Variants in DLGAP4 observed in about 807,000 individuals in gnomAD.
DLGAP4 encodes DLG associated protein 4, also known as disks large-associated protein 4.
A neutral mutation model predicts 86.9 loss-of-function variants in DLGAP4; 18 were observed. The ratio of observed to expected loss-of-function variants is 0.21; its 90% CI spans 0.14 to 0.31. DLGAP4 has a LOEUF of 0.31. Ranked by LOEUF, DLGAP4 falls within the 10% of genes least tolerant of loss-of-function variation. The pLI is 1.00. For missense variants in DLGAP4, 1,085 were observed against 1,362.6 expected (o/e 0.80, Z 3.21); for synonymous variants, 548 against 574.3 (o/e 0.95, Z 0.65).
Position 36,527,123 on chromosome 20 carries a change from T to C in DLGAP4, c.*92T>C. ...AGAGTTTTCTCAACCTTTGCTATGG[T>C]TATTCTGTCTAGAGACCCTGAGCCA... On this transcript the variant is annotated 3_prime_UTR_variant, in exon 13 of 13. Transcript: ENST00000339266. 1.5e-6 allele frequency: 2 copies of C among 1,357,544 alleles called. No individual in the cohort carries two copies. Among genetic ancestry groups the C allele is most frequent in the Non-Finnish European group, 2.0e-6 (2 of 1,010,884 alleles). 84.1% of individuals were successfully genotyped at this position (1,357,544 alleles called of 1,614,324 possible).
At chr20:36,486,682 C>G (rs1160579791) in intron 7 of DLGAP4, among the ~76,000 whole-genome samples, 1 of 151,016 alleles carries the variant, frequency 6.6e-6, no homozygotes, top group Non-Finnish European at 1.5e-5. Context: ...GCAATCTCGG[C>G]TCACTGCAAC....
At chr20:36,517,535 G>A (rs2147841298) in intron 10 of DLGAP4, among the ~76,000 whole-genome samples, 1 of 152,182 alleles carries the variant, frequency 6.6e-6, no homozygotes, top group Non-Finnish European at 1.5e-5. Context: ...CCAAAGTGCT[G>A]GGATTACAGG....
intron 10 of DLGAP4, among the ~76,000 whole-genome samples, chr20:36,505,926 C>T (rs2036345302): frequency 6.6e-6 from 1 of 152,142 alleles, no homozygotes; most frequent in Admixed American, 6.5e-5. Flanking sequence ...CCTGCTGTCT[C>T]AGGGGTGGCA....
intron 1 of DLGAP4, among the ~76,000 whole-genome samples, chr20:36,322,291 T>C (rs1430976738): frequency 2.6e-5 from 4 of 151,886 alleles, no homozygotes; most frequent in African/African-American, 9.7e-5. Context: ...GCTGGAGTGT[T>C]GGGATGTGGA....
chr20:36,324,662 T>A (rs1378546293), intron 1 of DLGAP4, among the ~76,000 whole-genome samples: 4 of 152,196 alleles, frequency 2.6e-5, no homozygotes, highest in Admixed American at 2.6e-4. Flanking sequence ...GTTGTAGTTG[T>A]TTGTAGATCC....
chr20:36,340,280 G>A (rs782374987), intron 1 of DLGAP4, among the ~76,000 whole-genome samples: 6 of 152,228 alleles, frequency 3.9e-5, no homozygotes, highest in African/African-American at 1.2e-4. Context: ...TGGCTGTTCC[G>A]GAAGTGGAGA....
At position 36,442,714 on chromosome 20, in the gene DLGAP4, C is replaced by G. The variant is rs1054234151; in HGVS notation, c.1357-13C>G. 6.2e-7 allele frequency: 1 copy of G among 1,614,210 alleles called. No individual in the cohort carries two copies. Reference sequence around the variant, plus strand: ...CTGGTCCTTCCATAACCCTCACCCTCTCTTTCCTGCAGATTTTTGGACAGG... The same window carrying G: ...CTGGTCCTTCCATAACCCTCACCCTGTCTTTCCTGCAGATTTTTGGACAGG... On this transcript the variant is annotated splice_polypyrimidine_tract_variant and intron_variant, in intron 5 of 12. Coordinates refer to ENST00000339266, the MANE Select transcript of DLGAP4 (RefSeq NM_001365621.2).
chr20:36,431,661 G>A lies in DLGAP4; in HGVS notation c.-57G>A. On this transcript the variant is annotated 5_prime_UTR_variant, in exon 3 of 13. Transcript: ENST00000339266. This position sits in a 1 kb window ranked among gnomAD's most constrained non-coding sequence, Gnocchi z 5.1. The stretch of plus-strand genomic sequence containing the variant: ...CTCTCCCTAGGATAGCTGCCGCCCG[G>A]GAGAGGTGACCCGGGCGCCCTGCTA... 6.6e-7 allele frequency: 1 copy of A among 1,512,644 alleles called. No homozygotes were observed. The highest frequency in any genetic ancestry group is 8.8e-7 in the Non-Finnish European group (1 of 1,130,542). The allele number at this position is 1,512,644 out of a possible 1,614,324, so 93.7% of individuals were successfully genotyped here.
intron 11 of DLGAP4, among the ~76,000 whole-genome samples, chr20:36,524,898 G>A (rs188493941): frequency 5.3e-5 from 8 of 151,326 alleles, no homozygotes; most frequent in Admixed American, 3.3e-4. Context: ...CAATGACAGC[G>A]AAACTCTGTC....
intron 2 of DLGAP4, among the ~76,000 whole-genome samples, chr20:36,411,534 C>T (rs527385630): frequency 1.4e-3 from 209 of 152,276 alleles, no homozygotes; most frequent in Admixed American, 3.3e-3. Context: ...TTTGCTAATA[C>T]AAATATTATG....
At chr20:36,461,369 C>G in intron 7 of DLGAP4, 1 of 827,296 alleles carries the variant, frequency 1.2e-6, no homozygotes, top group Non-Finnish European at 1.5e-6. Context: ...CGCCCCTGCC[C>G]GGCCCGGGAG....
intron 10 of DLGAP4, among the ~76,000 whole-genome samples, chr20:36,517,509 C>T (rs369925186): frequency 7.2e-5 from 11 of 152,060 alleles, no homozygotes; most frequent in African/African-American, 2.2e-4. Context: ...TCAGGTGATC[C>T]GCCCACCTCA....
intron 7 of DLGAP4, among the ~76,000 whole-genome samples, chr20:36,479,847 A>G (rs1462597493): frequency 6.6e-6 from 1 of 152,086 alleles, no homozygotes; most frequent in South Asian, 2.1e-4. Context: ...CTTGGACAGG[A>G]TGAGACCCCT....
chr20:36,449,515 G>C (rs1221399210), intron 7 of DLGAP4, among the ~76,000 whole-genome samples: 1 of 152,126 alleles, frequency 6.6e-6, no homozygotes, highest in East Asian at 1.9e-4. Flanking sequence ...CTCCAAACAA[G>C]AGCTGAGGCC....
intron 7 of DLGAP4, among the ~76,000 whole-genome samples, chr20:36,475,404 T>G (rs1243840704): frequency 6.6e-6 from 1 of 151,972 alleles, no homozygotes; most frequent in Non-Finnish European, 1.5e-5. Context: ...AGAGATGGGA[T>G]TTTGCCATGT....
At chr20:36,327,529 C>T (rs978174358) in intron 1 of DLGAP4, among the ~76,000 whole-genome samples, 11 of 151,728 alleles carry the variant, frequency 7.2e-5, no homozygotes, top group Admixed American at 2.0e-4. Context: ...TCTGCTAGGC[C>T]GAGGGATACC....
chr20:36,480,615 G>A (rs757640182), intron 7 of DLGAP4, among the ~76,000 whole-genome samples: 4 of 152,206 alleles, frequency 2.6e-5, no homozygotes, highest in African/African-American at 4.8e-5. Context: ...GGAGGCTGAC[G>A]TGGGAGGATC....
In DLGAP4 at chr20:36,452,090, T is replaced by C. The variant is rs146089985; in HGVS notation, c.1648+5153T>C. 3.5e-3 allele frequency among the ~76,000 whole-genome samples: 529 copies of C among 152,308 alleles called. 3 individuals are homozygous for C. The highest frequency in any genetic ancestry group is 0.012 in the African/African-American group (512 of 41,574). On this transcript the variant is annotated intron_variant, in intron 7 of 12. Transcript: ENST00000339266. ...GTATCTTAATTTGAGAATGGTTTAC[T>C]CTCTGGAGGGGCTGGAGTTGACAAA...
intron 7 of DLGAP4, among the ~76,000 whole-genome samples, chr20:36,491,345 T>C (rs2035654565): frequency 6.6e-6 from 1 of 152,138 alleles, no homozygotes; most frequent in African/African-American, 2.4e-5. Context: ...GAGGCTGGGC[T>C]AGATACCTGG....
Sources: allele counts gnomAD v4.1 joint callset (sites outside exome capture counted in the v4.1 genomes callset), GRCh38; gene constraint gnomAD v4.1.1; non-coding constraint Gnocchi (gnomAD v3.1); transcripts MANE v1.5; gene names NCBI Gene and HGNC (gene_info 2026-07-23, HGNC 2026-07-21).